The following KIF13A variants were observed in gnomAD, a reference collection of about 807,000 sequenced individuals.
The protein encoded by KIF13A is kinesin-like protein KIF13A.
A neutral mutation model predicts 212.2 loss-of-function variants in KIF13A; 79 were observed. The ratio of observed to expected loss-of-function variants is 0.37; its 90% CI spans 0.31 to 0.45. KIF13A has a LOEUF of 0.45. KIF13A is among the 20% of genes least tolerant of loss of function. The pLI is 1.00. For missense variants in KIF13A, 1,901 were observed against 2,209.0 expected (o/e 0.86, Z 2.79); for synonymous variants, 789 against 808.6 (o/e 0.98, Z 0.41).
intron 16 of KIF13A, among the ~76,000 whole-genome samples, chr6:17,823,952 G>A (rs1028505268): frequency 7.9e-5 from 11 of 139,100 alleles, no homozygotes; most frequent in African/African-American, 2.2e-4. Context: ...TCATTCTGTC[G>A]CCCAGGCTGG....
chr6:17,976,383 C>A (rs1444209051), intron 2 of KIF13A, among the ~76,000 whole-genome samples: 1 of 152,208 alleles, frequency 6.6e-6, no homozygotes, highest in East Asian at 1.9e-4. Flanking sequence ...GCCGGTGGGC[C>A]GGCACTGCTG....
In KIF13A at chr6:17,769,817, G is replaced by C. The variant is rs950659758; in HGVS notation, c.4581+1297C>G. On this transcript the variant is annotated intron_variant, in intron 38 of 38. Coordinates refer to ENST00000259711, the MANE Select transcript of KIF13A (RefSeq NM_022113.6). This position sits in a 1 kb window ranked among gnomAD's most constrained non-coding sequence, Gnocchi z 5.8. ...GCCCTTATTAATTGAGCAGAGGGTG[G>C]TCAGGTAAGTGAGAGAACAGCTCAG... is the stretch of plus-strand genomic sequence containing the variant. Among the ~76,000 whole-genome samples the C allele has an allele frequency of 6.6e-6, 1 of 152,116 alleles. No individual in the cohort carries two copies. The highest frequency in any genetic ancestry group is 2.4e-5 in the African/African-American group (1 of 41,436).
intron 19 of KIF13A, 89 bp from the exon 20 acceptor site, chr6:17,804,599 A>T: frequency 8.2e-7 from 1 of 1,222,904 alleles, no homozygotes; most frequent in Non-Finnish European, 1.1e-6. Flanking sequence ...TTTGAAAAAA[A>T]ATTTAAAGAA....
At chr6:17,931,960 G>T (rs1776023759) in intron 2 of KIF13A, among the ~76,000 whole-genome samples, 1 of 151,816 alleles carries the variant, frequency 6.6e-6, no homozygotes, top group Non-Finnish European at 1.5e-5. Flanking sequence ...CCCCACAATG[G>T]TTCCCAAACT....
At position 17,773,836 on chromosome 6, in the gene KIF13A, AG is replaced by A. The variant is rs1759706883; in HGVS notation, c.4219-254del. ...AGTTTAATAAAATTATTACAAATGTAGTGTGATCTTTTGGTCCCATTCATCT... is the reference window on the plus strand; with the variant it reads ...AGTTTAATAAAATTATTACAAATGTATGTGATCTTTTGGTCCCATTCATCT... On this transcript the variant is annotated intron_variant, in intron 35 of 38. Coordinates refer to ENST00000259711, the MANE Select transcript of KIF13A (RefSeq NM_022113.6). The surrounding 1 kb of genome is among the most constrained non-coding windows in gnomAD (Gnocchi z 4.2). Among the ~76,000 whole-genome samples the A allele has an allele frequency of 6.6e-6, 1 of 152,224 alleles. No individual in the cohort carries two copies. Among genetic ancestry groups the A allele is most frequent in the African/African-American group, 2.4e-5 (1 of 41,462 alleles).
chr6:17,868,669 CA>C (rs1769658426), intron 4 of KIF13A, among the ~76,000 whole-genome samples: 1 of 151,610 alleles, frequency 6.6e-6, no homozygotes, highest in Non-Finnish European at 1.5e-5. Context: ...ACTACCTAGC[CA>C]AAAGCTAATA....
At chr6:17,875,725 G>C (rs1770492715) in intron 3 of KIF13A, among the ~76,000 whole-genome samples, 1 of 152,116 alleles carries the variant, frequency 6.6e-6, no homozygotes, top group Non-Finnish European at 1.5e-5. Context: ...AAAGTGCTGA[G>C]ATTACAGGCG....
At chr6:17,975,074 T>G (rs1167061631) in intron 2 of KIF13A, among the ~76,000 whole-genome samples, 1 of 152,164 alleles carries the variant, frequency 6.6e-6, no homozygotes, top group African/African-American at 2.4e-5. Context: ...CTGGGCGCAG[T>G]GGTTCACACC....
intron 30 of KIF13A, 108 bp downstream of exon 30, chr6:17,781,069 A>T (rs1451907273): frequency 7.6e-6 from 11 of 1,450,946 alleles, no homozygotes; most frequent in Non-Finnish European, 1.0e-5. Context: ...TATTTTTTAA[A>T]GTCCCCGGTC....
At chr6:17,948,492 C>T (rs1777590044) in intron 2 of KIF13A, among the ~76,000 whole-genome samples, 1 of 150,718 alleles carries the variant, frequency 6.6e-6, no homozygotes, top group Admixed American at 6.6e-5. Context: ...AGTTATGCTA[C>T]ATGAACAGGG....
At chr6:17,959,278 A>T (rs181027113) in intron 2 of KIF13A, among the ~76,000 whole-genome samples, 5 of 152,340 alleles carry the variant, frequency 3.3e-5, no homozygotes, top group Admixed American at 2.0e-4. Context: ...AGACAGCCTC[A>T]TCTATGTTAT....
In KIF13A at chr6:17,892,418, C is replaced by T. The variant is rs1214444233; in HGVS notation, c.159+5750G>A. On this transcript the variant is annotated intron_variant, in intron 3 of 38. Coordinates refer to ENST00000259711, the MANE Select transcript of KIF13A (RefSeq NM_022113.6). This position sits in a 1 kb window ranked among gnomAD's most constrained non-coding sequence, Gnocchi z 4.7. ...CCTACTGATCAAGCTTTGTTCAAAA[C>T]AGGCAATAGAGACACTGAAGGTATC... Among the ~76,000 whole-genome samples the T allele has an allele frequency of 1.3e-5, 2 of 152,172 alleles. No individual in the cohort carries two copies. Among genetic ancestry groups the T allele is most frequent in the South Asian group, 2.1e-4 (1 of 4,834 alleles).
At chr6:17,890,780 C>T (rs935762626) in intron 3 of KIF13A, among the ~76,000 whole-genome samples, 8 of 107,610 alleles carry the variant, frequency 7.4e-5, no homozygotes, top group African/African-American at 3.1e-4. Context: ...GGACATGTTA[C>T]TATGCCCAGC....
In KIF13A at chr6:17,773,901, C is replaced by G. The variant is rs1333564657; in HGVS notation, c.4219-318G>C. On this transcript the variant is annotated intron_variant, in intron 35 of 38. Coordinates refer to ENST00000259711, the MANE Select transcript of KIF13A (RefSeq NM_022113.6). This position sits in a 1 kb window ranked among gnomAD's most constrained non-coding sequence, Gnocchi z 4.2. Reference sequence around the variant, plus strand: ...GAGGTAGCTACTTTGAGCAATGTGGCATATACCCAGAGTGACTTGATAATT... The same window carrying G: ...GAGGTAGCTACTTTGAGCAATGTGGGATATACCCAGAGTGACTTGATAATT... Among the ~76,000 whole-genome samples the G allele has an allele frequency of 6.6e-6, 1 of 152,106 alleles. No individual in the cohort carries two copies. Among genetic ancestry groups the G allele is most frequent in the Non-Finnish European group, 1.5e-5 (1 of 68,042 alleles).
Position 17,794,313 on chromosome 6 carries a change from G to A in KIF13A, c.3158C>T (p.Ser1053Leu), listed in dbSNP as rs769171168. The A allele has an allele frequency of 3.1e-6, 5 of 1,613,460 alleles. No individual in the cohort carries two copies. The highest frequency in any genetic ancestry group is 1.3e-5 in the African/African-American group (1 of 74,996). Residue 1053 changes from serine (S) to leucine (L), a missense_variant, in exon 25 of 39, where the codon TCA becomes TTA. This residue lies in a region of KIF13A where 168 missense variants were observed against 250.9 expected (regional missense o/e 0.67). Coordinates refer to ENST00000259711, the MANE Select transcript of KIF13A (RefSeq NM_022113.6). The surrounding 1 kb of genome is among the most constrained non-coding windows in gnomAD (Gnocchi z 4.1). Reference protein sequence around the residue: ...TLPLMVEAILSVSIGCVTARS... With the variant: ...TLPLMVEAILLVSIGCVTARS... ...GGCAGTTACACAGCCGATGGATACT[G>A]ACAGGATGGCTTCAACCATAAGTGG...
In KIF13A at chr6:17,811,422, A is replaced by C. The variant is rs143948518; in HGVS notation, c.2001-2492T>G. On this transcript the variant is annotated intron_variant, in intron 17 of 38. Transcript: ENST00000259711. This position sits in a 1 kb window ranked among gnomAD's most constrained non-coding sequence, Gnocchi z 6.0. The stretch of plus-strand genomic sequence containing the variant: ...AATAGAAAACAAACAAATAACTATT[A>C]ATATATAATCCTAACGTTTCCTATT... Among the ~76,000 whole-genome samples the C allele has an allele frequency of 6.6e-6, 1 of 152,364 alleles. No homozygotes were observed. The highest frequency in any genetic ancestry group is 1.9e-4 in the East Asian group (1 of 5,188).
chr6:17,802,257 G>A (rs1037891879), intron 20 of KIF13A, among the ~76,000 whole-genome samples: 2 of 151,932 alleles, frequency 1.3e-5, no homozygotes, highest in African/African-American at 4.8e-5. Flanking sequence ...GGGGAAGAAA[G>A]GAAATAAAAG....
chr6:17,882,135 T>C (rs1324538861), intron 3 of KIF13A: 1 of 449,060 alleles, frequency 2.2e-6, no homozygotes, highest in Non-Finnish European at 4.5e-6. Flanking sequence ...GCATTATCTC[T>C]GTATCCTTTC....
rs906712418 is a variant in KIF13A at position 17,777,484 on chromosome 6, A to G, written c.4093-130T>C. On this transcript the variant is annotated intron_variant, in intron 33 of 38. Coordinates refer to ENST00000259711, the MANE Select transcript of KIF13A (RefSeq NM_022113.6). This position sits in a 1 kb window ranked among gnomAD's most constrained non-coding sequence, Gnocchi z 4.4. ...CTGCAACCTCTGCCTCCTGGGTTCA[A>G]GCAATTCTGCCTCAGTCTCCTGAGT... 1.8e-5 allele frequency: 13 copies of G among 732,692 alleles called. No homozygotes were observed. The highest frequency in any genetic ancestry group is 2.3e-5 in the Non-Finnish European group (10 of 425,598). 45.4% of individuals were successfully genotyped at this position (732,692 alleles called of 1,614,324 possible).
Sources: allele counts gnomAD v4.1 joint callset (sites outside exome capture counted in the v4.1 genomes callset), GRCh38; gene constraint gnomAD v4.1.1; regional missense constraint gnomAD v4.1.1; non-coding constraint Gnocchi (gnomAD v3.1); transcripts MANE v1.5; gene names NCBI Gene and HGNC (gene_info 2026-07-23, HGNC 2026-07-21).